Variants in PLEKHA5 observed in about 807,000 individuals in gnomAD.
The protein encoded by PLEKHA5 is pleckstrin homology domain-containing family A member 5.
In PLEKHA5, 55 loss-of-function variants were observed where a neutral mutation model predicts 181.9. That is an observed-to-expected ratio of 0.30 (90% CI 0.24 to 0.38). PLEKHA5 has a LOEUF of 0.38. PLEKHA5 is among the 10% of genes least tolerant of loss of function. The probability of loss-of-function intolerance (pLI) is 1.00; values close to 1 mark genes in which losing one functional copy is unlikely to be tolerated. For synonymous variants in PLEKHA5, 535 were observed against 529.4 expected (o/e 1.01, Z -0.15); for missense variants, 1,432 against 1,549.5 (o/e 0.92, Z 1.27).
chr12:19,288,860 CT>C (rs1442742340), intron 13 of PLEKHA5, among the ~76,000 whole-genome samples: 1 of 152,188 alleles, frequency 6.6e-6, no homozygotes, highest in Non-Finnish European at 1.5e-5. Context: ...TTACCACCAC[CT>C]ACTTTCTTTG....
At chr12:19,215,287 C>T (rs942857619) in intron 3 of PLEKHA5, among the ~76,000 whole-genome samples, 1 of 151,884 alleles carries the variant, frequency 6.6e-6, no homozygotes, top group Admixed American at 6.6e-5. Context: ...GCCAGCTAGC[C>T]AAAAGTTTTT....
intron 3 of PLEKHA5, among the ~76,000 whole-genome samples, chr12:19,252,812 G>A (rs1041802763): frequency 1.3e-5 from 2 of 151,836 alleles, no homozygotes; most frequent in African/African-American, 4.8e-5. Flanking sequence ...CAGAAACACT[G>A]TAAATTATTC....
At chr12:19,350,713 A>G (rs2094551121) in intron 25 of PLEKHA5, among the ~76,000 whole-genome samples, 1 of 152,170 alleles carries the variant, frequency 6.6e-6, no homozygotes, top group African/African-American at 2.4e-5. Context: ...GGTTACAGTG[A>G]GCCAAGATCG....
intron 18 of PLEKHA5, among the ~76,000 whole-genome samples, chr12:19,321,080 T>G (rs2090567800): frequency 6.6e-6 from 1 of 151,196 alleles, no homozygotes; most frequent in African/African-American, 2.4e-5. Context: ...GGCCTGAGAA[T>G]CTCTTGAACC....
Position 19,193,663 on chromosome 12 carries a change from C to T in PLEKHA5, c.228-60277C>T, listed in dbSNP as rs2051833475. Among the ~76,000 whole-genome samples, 9 of 152,292 alleles carry T rather than the reference C, an allele frequency of 5.9e-5. No individual in the cohort carries two copies. The South Asian group carries it at 1.9e-3, about 32-fold the overall frequency. ...TCGTACCTACGAAGCAACCTCCTAT[C>T]ATCCACCCTTCTCCTACCCTCCCAT... On this transcript the variant is annotated intron_variant, in intron 3 of 31. Transcript: ENST00000429027.
In PLEKHA5 at chr12:19,287,326, G is replaced by T. The variant is rs191960744; in HGVS notation, c.1780-147G>T. 7.5e-6 allele frequency: 5 copies of T among 667,016 alleles called. No individual in the cohort carries two copies. In the East Asian group the frequency reaches 1.1e-4, roughly 14 times the overall value. 41.3% of individuals were successfully genotyped at this position (667,016 alleles called of 1,614,324 possible). The stretch of plus-strand genomic sequence containing the variant: ...GCCCCACATCAGTATTTTATGTCAA[G>T]AAATGTTAGTCTCTATCATCTTTCA... On this transcript the variant is annotated intron_variant, in intron 12 of 31. Transcript: ENST00000429027.
chr12:19,170,928 G>A (rs2045751411), intron 3 of PLEKHA5, among the ~76,000 whole-genome samples: 1 of 152,194 alleles, frequency 6.6e-6, no homozygotes, highest in Admixed American at 6.5e-5. Flanking sequence ...CTTGTTTATA[G>A]TTGTAGTCTG....
chr12:19,291,750 T>C, intron 15 of PLEKHA5, 53 bp downstream of exon 15: 1 of 937,272 alleles, frequency 1.1e-6, no homozygotes. Flanking sequence ...ACTTCTTAAA[T>C]ATAATACAGT....
At chr12:19,244,845 A>C (rs560870005) in intron 3 of PLEKHA5, among the ~76,000 whole-genome samples, 1 of 152,362 alleles carries the variant, frequency 6.6e-6, no homozygotes, top group South Asian at 2.1e-4. Context: ...TCAGAAGAAT[A>C]GTATTGGCTG....
intron 5 of PLEKHA5, among the ~76,000 whole-genome samples, chr12:19,256,800 A>C (rs1390982465): frequency 6.6e-6 from 1 of 152,106 alleles, no homozygotes; most frequent in African/African-American, 2.4e-5. Context: ...ATAAATCTTC[A>C]TGGTAACCAT....
In PLEKHA5 at chr12:19,365,964, C is replaced by T. The variant is rs111446538; in HGVS notation, c.3609C>T (p.Ser1203=). Residue 1203 remains serine (S), a splice_region_variant and synonymous_variant, in exon 30 of 32, where the codon AGC becomes AGT. Coordinates refer to ENST00000429027, the MANE Select transcript of PLEKHA5 (RefSeq NM_001256470.2). ...KDKMPEDVTF[S]PQDETQTANH... ...TTAAATACCAATCTATTTTCATCAGCCCTCAAGATGAAACACAGACCGCAA... is the reference window on the plus strand; with the variant it reads ...TTAAATACCAATCTATTTTCATCAGTCCTCAAGATGAAACACAGACCGCAA... 1.4e-5 allele frequency: 23 copies of T among 1,592,902 alleles called. No individual in the cohort carries two copies. In the African/African-American group the frequency reaches 3.0e-4, roughly 21 times the overall value.
intron 18 of PLEKHA5, among the ~76,000 whole-genome samples, chr12:19,321,355 CTTTTCTTTT>C (rs1255515374): frequency 2.8e-4 from 20 of 70,368 alleles, no homozygotes; most frequent in African/African-American, 5.1e-4. Flanking sequence ...CTTTTCTTTT[CTTTTCTTTT>C]TTTTTTTTTT....
intron 8 of PLEKHA5, among the ~76,000 whole-genome samples, chr12:19,268,154 A>T (rs900916889): frequency 6.6e-6 from 1 of 152,222 alleles, no homozygotes; most frequent in East Asian, 1.9e-4. Context: ...AGTATAAACC[A>T]GAGAAACATA....
intron 3 of PLEKHA5, among the ~76,000 whole-genome samples, chr12:19,160,873 A>AT (rs1279906537): frequency 1.1e-4 from 17 of 152,210 alleles, no homozygotes; most frequent in Non-Finnish European, 2.4e-4. Flanking sequence ...TGTCCTAAGA[A>AT]TTTTTGTTAT....
intron 15 of PLEKHA5, among the ~76,000 whole-genome samples, chr12:19,292,671 G>T (rs1592349959): frequency 6.6e-6 from 1 of 152,232 alleles, no homozygotes; most frequent in East Asian, 1.9e-4. Flanking sequence ...GGGTGTGGTG[G>T]CTCCCGCCTG....
At chr12:19,144,171 A>C (rs1447026648) in intron 3 of PLEKHA5, among the ~76,000 whole-genome samples, 1 of 152,216 alleles carries the variant, frequency 6.6e-6, no homozygotes, top group Non-Finnish European at 1.5e-5. Context: ...ATGGATTATT[A>C]CTAGAGATTC....
At chr12:19,193,451 T>C (rs935571622) in intron 3 of PLEKHA5, among the ~76,000 whole-genome samples, 3 of 152,202 alleles carry the variant, frequency 2.0e-5, no homozygotes, top group Admixed American at 1.3e-4. Context: ...AAGTTAGATA[T>C]GAATTTTATA....
intron 3 of PLEKHA5, among the ~76,000 whole-genome samples, chr12:19,158,516 T>C (rs930294912): frequency 6.6e-6 from 1 of 152,196 alleles, no homozygotes; most frequent in Non-Finnish European, 1.5e-5. Context: ...CTTCTTGATT[T>C]TTCTTTTTTT....
chr12:19,345,761 C>CA (rs576526926), intron 22 of PLEKHA5, 81 bp from the exon 23 acceptor site: 13 of 738,422 alleles, frequency 1.8e-5, no homozygotes, highest in African/African-American at 5.6e-5. Flanking sequence ...GACTTCATTT[C>CA]AAAAAAACAA....
Sources: allele counts gnomAD v4.1 joint callset (sites outside exome capture counted in the v4.1 genomes callset), GRCh38; gene constraint gnomAD v4.1.1; transcripts MANE v1.5; gene names NCBI Gene and HGNC (gene_info 2026-07-23, HGNC 2026-07-21).